Variants in CARM1 observed in about 807,000 individuals in gnomAD.
The protein encoded by CARM1 is coactivator associated arginine methyltransferase 1.
A neutral mutation model predicts 72.7 loss-of-function variants in CARM1; 14 were observed. The observed-to-expected ratio is 0.19, with a 90% CI of 0.13 to 0.30. CARM1 has a LOEUF of 0.30. Ranked by LOEUF, CARM1 falls within the 10% of genes least tolerant of loss-of-function variation. The pLI, the probability that CARM1 is intolerant of heterozygous loss-of-function variation, is 1.00. For synonymous variants in CARM1, 333 were observed against 345.5 expected (o/e 0.96, Z 0.40); for missense variants, 432 against 833.7 (o/e 0.52, Z 5.93).
chr19:10,921,706 C>T lies in CARM1; in HGVS notation c.1776C>T (p.Ser592=), dbSNP rs1383047192. ...SQFTMGGPAI[S]MASPMSIPTN... Reference sequence around the variant, plus strand: ...TCACCATGGGCGGCCCCGCCATCTCCATGGCGTCGCCCATGTCCATCCCGA... The same window carrying T: ...TCACCATGGGCGGCCCCGCCATCTCTATGGCGTCGCCCATGTCCATCCCGA... The change falls in exon 16 of 16, where the codon TCC becomes TCT. Residue 592 remains serine, a synonymous_variant. Transcript: ENST00000327064. The T allele has an allele frequency of 6.2e-7, 1 of 1,613,560 alleles. No individual in the cohort carries two copies. Among genetic ancestry groups the T allele is most frequent in the South Asian group, 1.1e-5 (1 of 91,046 alleles).
intron 1 of CARM1, among the ~76,000 whole-genome samples, chr19:10,890,686 TACACACATATATAC>T (rs1004762152): frequency 8.9e-5 from 13 of 146,702 alleles, no homozygotes; most frequent in African/African-American, 2.5e-4. Flanking sequence ...TATACATATA[TACACACATATATAC>T]ACACACATAT....
intron 4 of CARM1, among the ~76,000 whole-genome samples, chr19:10,909,774 G>C (rs1285227818): frequency 6.6e-6 from 1 of 151,958 alleles, no homozygotes; most frequent in South Asian, 2.1e-4. Context: ...CAAAAAGCAA[G>C]AAAAACAAAT....
Position 10,871,637 on chromosome 19 carries a change from G to GGCGGCGGCGGCGGCGGCGGCA in CARM1, c.-64_-63insGGCGGCGGCGGCGGCGGCAGC, listed in dbSNP as rs1229015115. 2.3e-4 allele frequency: 38 copies of GGCGGCGGCGGCGGCGGCGGCA among 164,132 alleles called. No individual in the cohort carries two copies. Among genetic ancestry groups the GGCGGCGGCGGCGGCGGCGGCA allele is most frequent in the African/African-American group, 1.3e-3 (33 of 26,024 alleles). The allele number at this position is 164,132 out of a possible 1,614,324, so 10.2% of individuals were successfully genotyped here. On this transcript the variant is annotated 5_prime_UTR_variant, in exon 1 of 16. Transcript: ENST00000327064. The surrounding 1 kb of genome is among the most constrained non-coding windows in gnomAD (Gnocchi z 5.6). ...CGGCGGCGGCGGCGGCGGCGGCGGC[G>GGCGGCGGCGGCGGCGGCGGCA]GCAGCGGCGGCGGCCTGGGCCCGGG...
At chr19:10,905,101 G>C in intron 2 of CARM1, 25 bp downstream of exon 2, 1 of 1,610,134 alleles carries the variant, frequency 6.2e-7, no homozygotes, top group South Asian at 1.1e-5. Flanking sequence ...TTCCATTCCG[G>C]TGACACCAGC....
chr19:10,887,757 G>A (rs1458274460), intron 1 of CARM1, among the ~76,000 whole-genome samples: 1 of 152,140 alleles, frequency 6.6e-6, no homozygotes, highest in South Asian at 2.1e-4. Flanking sequence ...ACTCTTTCAA[G>A]AGGTGCACTA....
chr19:10,918,928 G>C (rs1289902392), intron 8 of CARM1: 1 of 152,162 alleles, frequency 6.6e-6, no homozygotes, highest in South Asian at 2.1e-4. Context: ...ATTTTATTCG[G>C]TTTACATAGT....
intron 1 of CARM1, among the ~76,000 whole-genome samples, chr19:10,878,790 C>T (rs2073880967): frequency 6.6e-6 from 1 of 151,448 alleles, no homozygotes; most frequent in Non-Finnish European, 1.5e-5. Flanking sequence ...GTTCCCAGAT[C>T]CAGGTCCTCC....
chr19:10,906,723 C>A (rs1467251970), intron 2 of CARM1, among the ~76,000 whole-genome samples: 1 of 152,078 alleles, frequency 6.6e-6, no homozygotes, highest in East Asian at 1.9e-4. Flanking sequence ...CCTCCGCCTC[C>A]CAAAGTGCTA....
At chr19:10,877,013 C>T (rs2073869680) in intron 1 of CARM1, among the ~76,000 whole-genome samples, 1 of 152,198 alleles carries the variant, frequency 6.6e-6, no homozygotes, top group South Asian at 2.1e-4. Flanking sequence ...AGGGGCATGC[C>T]ATGGGGTGGA....
intron 1 of CARM1, among the ~76,000 whole-genome samples, chr19:10,875,339 T>C (rs554833869): frequency 1.3e-5 from 2 of 152,246 alleles, no homozygotes; most frequent in African/African-American, 4.8e-5. Context: ...TTCCTTTTTT[T>C]TTTAAAGTGA....
intron 1 of CARM1, among the ~76,000 whole-genome samples, chr19:10,894,143 C>T (rs375053807): frequency 8.4e-4 from 128 of 152,352 alleles, no homozygotes; most frequent in African/African-American, 2.8e-3. Flanking sequence ...GCCTGGTCCG[C>T]ATGCATCAGC....
rs1379527977 is a variant in CARM1, at chr19:10,871,582, TAGCGGCAGCGGCGGCGGC to T, written c.-120_-103del. On this transcript the variant is annotated 5_prime_UTR_variant, in exon 1 of 16. Coordinates refer to ENST00000327064, the MANE Select transcript of CARM1 (RefSeq NM_199141.2). The surrounding 1 kb of genome is among the most constrained non-coding windows in gnomAD (Gnocchi z 5.6). ...GCCTGCACGGCGGCTGCGGCGGCGG[TAGCGGCAGCGGCGGCGGC>T]GGCGGCGGCGGCGGCGGCGGCGGCG... 1 of 88,366 alleles carries T rather than the reference TAGCGGCAGCGGCGGCGGC, an allele frequency of 1.1e-5. No homozygotes were observed. Among genetic ancestry groups the T allele is most frequent in the Non-Finnish European group, 2.2e-5 (1 of 45,624 alleles). 5.5% of individuals were successfully genotyped at this position (88,366 alleles called of 1,614,324 possible).
chr19:10,895,131 G>A (rs1184411753), intron 1 of CARM1, among the ~76,000 whole-genome samples: 1 of 151,848 alleles, frequency 6.6e-6, no homozygotes, highest in African/African-American at 2.4e-5. Flanking sequence ...TTTTGAGAGA[G>A]TCTCGCTCTA....
rs1293640390 is a variant in CARM1, at chr19:10,871,953, G to A, written c.220+31G>A. The A allele has an allele frequency of 2.6e-6, 3 of 1,173,896 alleles. No individual in the cohort carries two copies. Among genetic ancestry groups the A allele is most frequent in the African/African-American group, 3.2e-5 (2 of 61,976 alleles). The allele number at this position is 1,173,896 out of a possible 1,614,324, so 72.7% of individuals were successfully genotyped here. On this transcript the variant is annotated intron_variant, in intron 1 of 15. Transcript: ENST00000327064. This position sits in a 1 kb window ranked among gnomAD's most constrained non-coding sequence, Gnocchi z 5.6. ...TACGGGGCCCCGGGGCAGGCGCAGGGCCGGGGCTGCTCACGAGGCCGGCCC... is the reference window on the plus strand; with the variant it reads ...TACGGGGCCCCGGGGCAGGCGCAGGACCGGGGCTGCTCACGAGGCCGGCCC...
intron 2 of CARM1, among the ~76,000 whole-genome samples, chr19:10,906,477 C>T (rs1039484075): frequency 1.3e-5 from 2 of 152,140 alleles, no homozygotes; most frequent in African/African-American, 4.8e-5. Flanking sequence ...GTTTTTGAGA[C>T]GGAGTCTCGC....
chr19:10,885,581 C>G (rs2073935136), intron 1 of CARM1, among the ~76,000 whole-genome samples: 3 of 152,206 alleles, frequency 2.0e-5, no homozygotes, highest in African/African-American at 7.2e-5. Flanking sequence ...CCATCCCGGG[C>G]AGGGGGCATG....
Position 10,916,412 on chromosome 19 carries a change from A to G in CARM1, c.853A>G (p.Met285Val). The change falls in exon 7 of 16, where the codon ATG becomes GTG. Residue 285 changes from methionine to valine, a missense_variant. Around this residue, in one of 3 missense-constraint regions of CARM1, gnomAD observed 152 missense variants for 452.8 expected, o/e 0.34. Coordinates refer to ENST00000327064, the MANE Select transcript of CARM1 (RefSeq NM_199141.2). The surrounding 1 kb of genome is among the most constrained non-coding windows in gnomAD (Gnocchi z 4.4). Reference sequence around the variant, plus strand: ...CCTCCCTGCCCCACTCCCAGGAAACATGTTTCCTACCATTGGTGACGTCCA... The same window carrying G: ...CCTCCCTGCCCCACTCCCAGGAAACGTGTTTCCTACCATTGGTGACGTCCA... Reference protein sequence around the residue: ...AKKYLKPSGNMFPTIGDVHLA... With the variant: ...AKKYLKPSGNVFPTIGDVHLA... The G allele has an allele frequency of 6.2e-7, 1 of 1,612,622 alleles. No individual in the cohort carries two copies.
At chr19:10,895,234 A>G (rs1247657667) in intron 1 of CARM1, among the ~76,000 whole-genome samples, 1 of 152,068 alleles carries the variant, frequency 6.6e-6, no homozygotes, top group Non-Finnish European at 1.5e-5. Context: ...CCTCCCAAGT[A>G]GCTGGGATTA....
In CARM1 at chr19:10,912,161, C is replaced by A; in HGVS notation, c.559-23C>A. ...TCACCGTCGCCTCCTATGTCTCGCT[C>A]TCACCTCCCACTCCTCCCTCAGATC... is the stretch of plus-strand genomic sequence containing the variant. On this transcript the variant is annotated intron_variant, in intron 4 of 15. Coordinates refer to ENST00000327064, the MANE Select transcript of CARM1 (RefSeq NM_199141.2). The surrounding 1 kb of genome is among the most constrained non-coding windows in gnomAD (Gnocchi z 4.5). 6.3e-7 allele frequency: 1 copy of A among 1,590,502 alleles called. No individual in the cohort carries two copies. Among genetic ancestry groups the A allele is most frequent in the Non-Finnish European group, 8.6e-7 (1 of 1,158,470 alleles).
Sources: gnomAD v4.1 joint callset for allele counts (sites outside exome capture counted in the v4.1 genomes callset) on GRCh38, gnomAD v4.1.1 for gene constraint, gnomAD v4.1.1 regional missense constraint, Gnocchi (gnomAD v3.1) non-coding constraint, MANE v1.5 for transcripts, NCBI Gene and HGNC (gene_info 2026-07-23, HGNC 2026-07-21) for gene names.